The following RAB3C variants were observed in gnomAD, a reference collection of about 807,000 sequenced individuals.
RAB3C encodes RAB3C, member RAS oncogene family, also known as ras-related protein Rab-3C.
In RAB3C, 17 loss-of-function variants were observed where a neutral mutation model predicts 26.4. The observed-to-expected ratio is 0.64, with a 90% confidence interval of 0.44 to 0.97. The LOEUF is 0.97. RAB3C is among the 50% of genes least tolerant of loss of function. The pLI is 0.00. For synonymous variants in RAB3C, 91 were observed against 95.9 expected, an observed-to-expected ratio of 0.95 and a Z score of 0.30; for missense variants, 242 against 281.9, an observed-to-expected ratio of 0.86 and a Z score of 1.01.
intron 3 of RAB3C, among the ~76,000 whole-genome samples, chr5:58,778,836 CT>C (rs1224323100): frequency 6.6e-6 from 1 of 152,118 alleles, no homozygotes; most frequent in East Asian, 1.9e-4. Context: ...GCCATTTCCA[CT>C]CAGATGACCC....
chr5:58,682,877 C>G (rs1338124436), intron 2 of RAB3C, among the ~76,000 whole-genome samples: 3 of 152,114 alleles, frequency 2.0e-5, no homozygotes, highest in African/African-American at 7.2e-5. Flanking sequence ...TCAACATGTT[C>G]CTGACAGTTT....
At chr5:58,737,271 T>A (rs1290220740) in intron 3 of RAB3C, among the ~76,000 whole-genome samples, 1 of 151,500 alleles carries the variant, frequency 6.6e-6, no homozygotes, top group African/African-American at 2.4e-5. Context: ...TTCGCTGTAA[T>A]GTCACCTTCT....
intron 3 of RAB3C, among the ~76,000 whole-genome samples, chr5:58,808,153 A>T (rs1400019790): frequency 6.7e-6 from 1 of 148,946 alleles, no homozygotes; most frequent in African/African-American, 2.5e-5. Flanking sequence ...TGAACCTGGG[A>T]GGCAGAGCTT....
At chr5:58,839,349 T>TTTCA (rs60911473) in intron 4 of RAB3C, among the ~76,000 whole-genome samples, 1 of 98,856 alleles carries the variant, frequency 1.0e-5, no homozygotes, top group East Asian at 2.7e-4. Context: ...TAAGTTTTTA[T>TTTCA]TTTATTTATT....
chr5:58,830,899 A>G (rs1430699785), intron 4 of RAB3C, among the ~76,000 whole-genome samples: 2 of 151,482 alleles, frequency 1.3e-5, no homozygotes, highest in East Asian at 1.9e-4. Flanking sequence ...TAGAGATGGG[A>G]TCTTGCTCTG....
At chr5:58,693,314 T>G (rs557860714) in intron 2 of RAB3C, among the ~76,000 whole-genome samples, 1 of 112,146 alleles carries the variant, frequency 8.9e-6, no homozygotes, top group Non-Finnish European at 1.7e-5. Context: ...ATAAATAAAA[T>G]TAAGAAATTA....
chr5:58,738,541 CTT>C (rs77158114), intron 3 of RAB3C, among the ~76,000 whole-genome samples: 36,081 of 152,022 alleles, frequency 0.24, 4,337 homozygotes, highest in East Asian at 0.37. Context: ...TCCTCTATGA[CTT>C]TGTGTTTTGG....
Position 58,748,490 on chromosome 5 carries a change from T to C in RAB3C, c.371+22370T>C, listed in dbSNP as rs149042456. Among the ~76,000 whole-genome samples the C allele has an allele frequency of 2.1e-3, 327 of 152,244 alleles. 2 individuals are homozygous for C. The highest frequency in any genetic ancestry group is 3.4e-3 in the Middle Eastern group (1 of 294). Reference sequence around the variant, plus strand: ...TGCTGTAAAATAGAATATAATTGAATTGGGAGATAAAACTACTCAACTCTT... The same window carrying C: ...TGCTGTAAAATAGAATATAATTGAACTGGGAGATAAAACTACTCAACTCTT... On this transcript the variant is annotated intron_variant, in intron 3 of 4. Coordinates refer to ENST00000282878, the MANE Select transcript of RAB3C (RefSeq NM_138453.4).
intron 2 of RAB3C, among the ~76,000 whole-genome samples, chr5:58,685,876 A>G (rs72760285): frequency 0.12 from 18,397 of 152,238 alleles, 1,430 homozygotes; most frequent in Non-Finnish European, 0.17. Flanking sequence ...TTCACCTTTC[A>G]GAGATGGACG....
intron 3 of RAB3C, among the ~76,000 whole-genome samples, chr5:58,770,082 T>C (rs182332392): frequency 6.6e-6 from 1 of 152,316 alleles, no homozygotes; most frequent in African/African-American, 2.4e-5. Flanking sequence ...TATTAAAGAA[T>C]AAGGAGGGTA....
At chr5:58,756,346 G>GTT (rs1209384237) in intron 3 of RAB3C, among the ~76,000 whole-genome samples, 5 of 128,098 alleles carry the variant, frequency 3.9e-5, no homozygotes, top group African/African-American at 1.6e-4. Flanking sequence ...ACATATATAT[G>GTT]TTATATATAT....
chr5:58,725,026 A>G (rs541614572), intron 2 of RAB3C, among the ~76,000 whole-genome samples: 1 of 151,932 alleles, frequency 6.6e-6, no homozygotes, highest in African/African-American at 2.4e-5. Context: ...TAATTTTACC[A>G]GTGGGTTTTA....
chr5:58,698,442 A>G (rs979183210), intron 2 of RAB3C, among the ~76,000 whole-genome samples: 5 of 152,070 alleles, frequency 3.3e-5, no homozygotes, highest in African/African-American at 1.2e-4. Context: ...TGTGGTGTTC[A>G]CTGTATTTCC....
At chr5:58,666,078 G>A (rs948354175) in intron 2 of RAB3C, among the ~76,000 whole-genome samples, 1 of 152,118 alleles carries the variant, frequency 6.6e-6, no homozygotes. Context: ...ATAGATGATG[G>A]GCTGTACTAT....
intron 3 of RAB3C, among the ~76,000 whole-genome samples, chr5:58,777,480 T>C (rs1226644361): frequency 6.6e-6 from 1 of 152,120 alleles, no homozygotes; most frequent in Non-Finnish European, 1.5e-5. Context: ...CCCTTAGGAT[T>C]AATGTCCATA....
chr5:58,720,596 C>A (rs1394104674), intron 2 of RAB3C, among the ~76,000 whole-genome samples: 1 of 151,740 alleles, frequency 6.6e-6, no homozygotes, highest in East Asian at 1.9e-4. Context: ...TACACTGTTC[C>A]CAGCCCCCAT....
Position 58,766,262 on chromosome 5 carries a change from G to A in RAB3C, c.371+40142G>A, listed in dbSNP as rs184762091. Among the ~76,000 whole-genome samples, 155 of 151,886 alleles carry A rather than the reference G, an allele frequency of 1.0e-3. 1 individual carries two copies. The East Asian group carries it at 0.022, about 21-fold the overall frequency. On this transcript the variant is annotated intron_variant, in intron 3 of 4. Transcript: ENST00000282878. ...CTCCAGAGTAGCTGGGATTACAGGC[G>A]TGTGCCACCACATTCAGCTAATTTT...
In RAB3C at chr5:58,857,744, T is replaced by C. The variant is rs1283965705; in HGVS notation, c.*6393T>C. The stretch of plus-strand genomic sequence containing the variant: ...ACACTGGTGATATAAGAGGAACAAA[T>C]CAGAATCATTAAATACTTTGTAATG... On this transcript the variant is annotated 3_prime_UTR_variant, in exon 5 of 5. Coordinates refer to ENST00000282878, the MANE Select transcript of RAB3C (RefSeq NM_138453.4). 6.6e-6 allele frequency: 1 copy of C among 152,194 alleles called. No homozygotes were observed. Among genetic ancestry groups the C allele is most frequent in the African/African-American group, 2.4e-5 (1 of 41,464 alleles). 9.4% of individuals were successfully genotyped at this position (152,194 alleles called of 1,614,324 possible). A position where few individuals can be genotyped will look rare whatever the true frequency, so the allele number is the denominator to read the frequency against.
intron 3 of RAB3C, among the ~76,000 whole-genome samples, chr5:58,765,774 T>C (rs184901042): frequency 3.5e-4 from 53 of 152,306 alleles, no homozygotes; most frequent in Admixed American, 1.1e-3. Flanking sequence ...TGATATGGTT[T>C]GGATTTGTGT....
Sources: allele counts gnomAD v4.1 joint callset (sites outside exome capture counted in the v4.1 genomes callset), GRCh38; gene constraint gnomAD v4.1.1; transcripts MANE v1.5; gene names NCBI Gene and HGNC (gene_info 2026-07-23, HGNC 2026-07-21).